Variants in TMEM45A observed in about 807,000 individuals in gnomAD.
TMEM45A encodes transmembrane protein 45A, also known as DNA polymerase-transactivated protein 4.
In TMEM45A, 25 loss-of-function variants were observed where a neutral mutation model predicts 32.0. The ratio of observed to expected loss-of-function variants is 0.78; its 90% CI spans 0.57 to 1.09. The LOEUF is 1.09. TMEM45A is among the 50% of genes least tolerant of loss of function. The pLI, the probability that TMEM45A is intolerant of heterozygous loss-of-function variation, is 0.00. For synonymous variants in TMEM45A, 122 were observed against 114.8 expected, an observed-to-expected ratio of 1.06 and a Z score of -0.40; for missense variants, 302 against 325.0, an observed-to-expected ratio of 0.93 and a Z score of 0.54.
chr3:100,568,606 TC>T (rs1352532291), intron 4 of TMEM45A, among the ~76,000 whole-genome samples: 32 of 152,332 alleles, frequency 2.1e-4, no homozygotes, highest in African/African-American at 7.7e-4. Context: ...TGAAAACTGA[TC>T]ATTAAATGTC....
At chr3:100,496,638 A>T (rs758375316) in intron 1 of TMEM45A, among the ~76,000 whole-genome samples, 1 of 152,260 alleles carries the variant, frequency 6.6e-6, no homozygotes, top group Non-Finnish European at 1.5e-5. Flanking sequence ...CAGAATATCA[A>T]TGTGAATCTT....
chr3:100,558,658 C>T, intron 4 of TMEM45A, 69 bp downstream of exon 4: 1 of 1,526,834 alleles, frequency 6.5e-7, no homozygotes, highest in South Asian at 1.2e-5. Context: ...TTTGATGAGG[C>T]AGTTTGCTCC....
chr3:100,527,128 G>T (rs1705559257), intron 1 of TMEM45A, among the ~76,000 whole-genome samples: 1 of 152,184 alleles, frequency 6.6e-6, no homozygotes, highest in Admixed American at 6.5e-5. Flanking sequence ...GGAAGATGTA[G>T]TGTGTAGCAG....
intron 1 of TMEM45A, among the ~76,000 whole-genome samples, chr3:100,528,021 A>G (rs527838653): frequency 6.6e-6 from 1 of 152,280 alleles, no homozygotes; most frequent in East Asian, 1.9e-4. Context: ...TGAAATTTGA[A>G]TTTTGAATAA....
At chr3:100,543,075 A>G (rs1705918668) in intron 1 of TMEM45A, among the ~76,000 whole-genome samples, 1 of 152,232 alleles carries the variant, frequency 6.6e-6, no homozygotes. Context: ...AACAGTACAT[A>G]AATTGCATCA....
Position 100,568,955 on chromosome 3 carries a change from C to A in TMEM45A, c.722C>A (p.Ala241Asp). Residue 241 changes from alanine (A) to aspartate (D), a missense_variant, in exon 5 of 6, where the codon GCT (alanine) becomes GAT (aspartate). Coordinates refer to ENST00000323523, the MANE Select transcript of TMEM45A (RefSeq NM_018004.3). ...VTIVIVGMNY[A>D]FITWLVKSRL... ...ATTGTCATCGTTGGAATGAATTATG[C>A]TTTCATTACCTGGTAAGTTAGCGAT... 6.2e-7 allele frequency: 1 copy of A among 1,610,698 alleles called. No homozygotes were observed. Among genetic ancestry groups the A allele is most frequent in the Non-Finnish European group, 8.5e-7 (1 of 1,177,388 alleles).
chr3:100,564,749 G>T (rs140218463), intron 4 of TMEM45A, among the ~76,000 whole-genome samples: 4,466 of 152,300 alleles, frequency 0.029, 206 homozygotes, highest in African/African-American at 0.1. Context: ...CTCCCAAAGT[G>T]CTGGGATTAC....
intron 1 of TMEM45A, among the ~76,000 whole-genome samples, chr3:100,525,347 A>G (rs557917889): frequency 1.3e-5 from 2 of 152,358 alleles, no homozygotes; most frequent in African/African-American, 4.8e-5. Context: ...ACTTTTAAAA[A>G]TGTGGCTACT....
intron 4 of TMEM45A, among the ~76,000 whole-genome samples, chr3:100,567,518 CAAAAA>C (rs780009246): frequency 3.1e-5 from 2 of 63,498 alleles, no homozygotes; most frequent in African/African-American, 1.2e-4. Context: ...ACCATTTCTG[CAAAAA>C]AAAAAAAAAA....
Position 100,558,389 on chromosome 3 carries a change from G to GT in TMEM45A, c.404-10dup, listed in dbSNP as rs778013475. 1.2e-5 allele frequency: 19 copies of GT among 1,612,126 alleles called. No individual in the cohort carries two copies. The East Asian group carries it at 4.0e-4, about 34-fold the overall frequency. On this transcript the variant is annotated splice_polypyrimidine_tract_variant and intron_variant, in intron 3 of 5. Transcript: ENST00000323523. ...TTGGTTCCACTGAAAAAGACAATCT[G>GT]TTTTTTCCCCATCAGCCTTTATCTT...
In TMEM45A at chr3:100,558,465, T is replaced by C. The variant is rs752743932; in HGVS notation, c.464T>C (p.Leu155Pro). ...REMLDIFVHQLLVLVVFLTGL... is the reference protein window; with the variant it reads ...REMLDIFVHQPLVLVVFLTGL... ...ATGCTGGACATCTTTGTGCACCAGCTGCTGGTTTTGGTCGTCTTTCTGACA... is the reference window on the plus strand; with the variant it reads ...ATGCTGGACATCTTTGTGCACCAGCCGCTGGTTTTGGTCGTCTTTCTGACA... The change falls in exon 4 of 6, where the codon CTG (leucine) becomes CCG (proline). Residue 155 changes from leucine to proline, a missense_variant. Transcript: ENST00000323523. 2 of 1,614,112 alleles carry C rather than the reference T, an allele frequency of 1.2e-6. No homozygotes were observed. Among genetic ancestry groups the C allele is most frequent in the East Asian group, 2.2e-5 (1 of 44,882 alleles).
chr3:100,524,929 C>T (rs1403563773), intron 1 of TMEM45A, among the ~76,000 whole-genome samples: 1 of 152,174 alleles, frequency 6.6e-6, no homozygotes, highest in Non-Finnish European at 1.5e-5. Flanking sequence ...GTGGCTCACA[C>T]CTGTAATCCC....
intron 1 of TMEM45A, among the ~76,000 whole-genome samples, chr3:100,512,613 ATAAC>A (rs1708185589): frequency 6.6e-6 from 1 of 151,520 alleles, no homozygotes; most frequent in African/African-American, 2.4e-5. Flanking sequence ...AAGGCAAGAA[ATAAC>A]TAAAATCAGA....
chr3:100,499,941 A>T (rs925092929), intron 1 of TMEM45A, among the ~76,000 whole-genome samples: 1 of 152,216 alleles, frequency 6.6e-6, no homozygotes, highest in African/African-American at 2.4e-5. Context: ...TTGTGGTCAA[A>T]TGGCATTGGT....
chr3:100,519,554 G>A, intron 1 of TMEM45A: 1 of 1,550,956 alleles, frequency 6.4e-7, no homozygotes, highest in East Asian at 2.4e-5. Flanking sequence ...CTGATCTACT[G>A]AGACCAAGGA....
intron 1 of TMEM45A, among the ~76,000 whole-genome samples, chr3:100,539,444 T>TATATGCATATGC (rs1553682664): frequency 0.066 from 5,990 of 90,584 alleles, 354 homozygotes; most frequent in Admixed American, 0.19. Context: ...TATGTATATG[T>TATATGCATATGC]ATATGTATAT....
chr3:100,525,246 T>C (rs1429590540), intron 1 of TMEM45A, among the ~76,000 whole-genome samples: 1 of 152,168 alleles, frequency 6.6e-6, no homozygotes, highest in African/African-American at 2.4e-5. Context: ...AATAATTTTT[T>C]TCTATTGAGC....
intron 4 of TMEM45A, among the ~76,000 whole-genome samples, chr3:100,560,559 G>A (rs944926401): frequency 1.3e-5 from 2 of 151,468 alleles, no homozygotes; most frequent in East Asian, 1.9e-4. Flanking sequence ...ATTGTTTTAC[G>A]GTCAGGGAAT....
At chr3:100,507,648 A>T (rs1342801315) in intron 1 of TMEM45A, among the ~76,000 whole-genome samples, 1 of 152,092 alleles carries the variant, frequency 6.6e-6, no homozygotes, top group Non-Finnish European at 1.5e-5. Flanking sequence ...GGATGCAGGG[A>T]TGAAGAATGG....
Sources: gnomAD v4.1 joint callset for allele counts (sites outside exome capture counted in the v4.1 genomes callset) on GRCh38, gnomAD v4.1.1 for gene constraint, MANE v1.5 for transcripts, NCBI Gene and HGNC (gene_info 2026-07-23, HGNC 2026-07-21) for gene names.